Variants in FAM20B observed in about 807,000 individuals in gnomAD.
FAM20B encodes FAM20B glycosaminoglycan xylosylkinase, also known as glycosaminoglycan xylosylkinase.
FAM20B carries 23 observed loss-of-function variants against 43.8 expected under a neutral mutation model. The ratio of observed to expected loss-of-function variants is 0.53; its 90% CI spans 0.38 to 0.74. The LOEUF is 0.74. Ranked by LOEUF, FAM20B falls within the 30% of genes least tolerant of loss-of-function variation. The pLI is 0.00. For missense variants in FAM20B, 440 were observed against 510.5 expected (o/e 0.86, Z 1.33); for synonymous variants, 178 against 192.4 (o/e 0.93, Z 0.62).
chr1:179,034,384 T>TTCTCTCTC (rs138317999), intron 1 of FAM20B, among the ~76,000 whole-genome samples: 1 of 151,016 alleles, frequency 6.6e-6, no homozygotes, highest in Non-Finnish European at 1.5e-5. Context: ...CTCCACCTCT[T>TTCTCTCTC]TCTCTCTCTC....
chr1:179,076,422 A>G lies in FAM20B; in HGVS notation c.*4278A>G, dbSNP rs1222695267. The stretch of plus-strand genomic sequence containing the variant: ...CACTACCCTCTCTTTTGATCTGCCA[A>G]GGATTTCCTCTCAGAGCTGTTGCAC... On this transcript the variant is annotated 3_prime_UTR_variant, in exon 8 of 8. Coordinates refer to ENST00000263733, the MANE Select transcript of FAM20B (RefSeq NM_014864.4). 1.3e-5 allele frequency: 2 copies of G among 152,602 alleles called. No individual in the cohort carries two copies. Among genetic ancestry groups the G allele is most frequent in the African/African-American group, 4.8e-5 (2 of 41,450 alleles). 9.5% of individuals were successfully genotyped at this position (152,602 alleles called of 1,614,324 possible). A position where few individuals can be genotyped will look rare whatever the true frequency, so the allele number is the denominator to read the frequency against.
At chr1:179,042,762 T>A (rs79410391) in intron 1 of FAM20B, among the ~76,000 whole-genome samples, 5,571 of 152,260 alleles carry the variant, frequency 0.037, 146 homozygotes, top group Non-Finnish European at 0.053. Flanking sequence ...GTTGTTCTGA[T>A]GAGAGTCTAG....
chr1:179,063,238 C>T (rs944896895), intron 4 of FAM20B, among the ~76,000 whole-genome samples: 7 of 151,994 alleles, frequency 4.6e-5, no homozygotes, highest in South Asian at 2.1e-4. Flanking sequence ...GATCTTGCCA[C>T]TGCACTCTAG....
intron 3 of FAM20B, among the ~76,000 whole-genome samples, chr1:179,050,904 A>G (rs1381086081): frequency 1.3e-5 from 2 of 151,988 alleles, no homozygotes; most frequent in South Asian, 2.1e-4. Context: ...GGCAGATTGC[A>G]TGAGCTCAGG....
intron 1 of FAM20B, among the ~76,000 whole-genome samples, chr1:179,042,108 G>A (rs1291119753): frequency 6.6e-6 from 1 of 152,176 alleles, no homozygotes; most frequent in Non-Finnish European, 1.5e-5. Flanking sequence ...CTGTGGCCGT[G>A]GTGCCTTCTG....
At position 179,054,555 on chromosome 1, in the gene FAM20B, T is replaced by A; in HGVS notation, c.491T>A (p.Leu164Ter). 1 of 1,612,902 alleles carries A rather than the reference T, an allele frequency of 6.2e-7. No individual in the cohort carries two copies. Among genetic ancestry groups the A allele is most frequent in the Non-Finnish European group, 8.5e-7 (1 of 1,179,102 alleles). Residue 164 changes from leucine to a stop codon, truncating the protein, a stop_gained, in exon 4 of 8, where the codon TTG (leucine) becomes TAG (stop). Coordinates refer to ENST00000263733, the MANE Select transcript of FAM20B (RefSeq NM_014864.4). LOFTEE classifies it high-confidence loss of function. Reference protein sequence around the residue: ...DRILGFHRAPLVVGRFVNLRT... With the variant: ...DRILGFHRAP ...ATTCTGGGTTTCCACCGAGCCCCCT[T>A]GGTAGTTGGCAGATTTGTTAATCTT...
chr1:179,034,292 C>G (rs1287001122), intron 1 of FAM20B, among the ~76,000 whole-genome samples: 1 of 152,196 alleles, frequency 6.6e-6, no homozygotes, highest in African/African-American at 2.4e-5. Flanking sequence ...GGGCCCAGAA[C>G]TGGCACACAG....
intron 1 of FAM20B, among the ~76,000 whole-genome samples, chr1:179,036,946 G>A (rs1266195574): frequency 1.3e-5 from 2 of 152,190 alleles, no homozygotes; most frequent in Non-Finnish European, 2.9e-5. Flanking sequence ...GAGGAATTTT[G>A]AGGGACTACA....
In FAM20B at chr1:179,064,373, T is replaced by C. The variant is rs771280602; in HGVS notation, c.815T>C (p.Leu272Pro). 6.2e-7 allele frequency: 1 copy of C among 1,614,170 alleles called. No homozygotes were observed. Among genetic ancestry groups the C allele is most frequent in the East Asian group, 2.2e-5 (1 of 44,884 alleles). ...TCCCCTTATGACTCTGGCCCGCGCC[T>C]CTTGGACATCATTGACACAGCTGTC... ...KTSPYDSGPR[L>P]LDIIDTAVFD... Residue 272 changes from leucine (L) to proline (P), a missense_variant, in exon 6 of 8, where the codon CTC becomes CCC. Coordinates refer to ENST00000263733, the MANE Select transcript of FAM20B (RefSeq NM_014864.4).
rs142167220 is a variant in FAM20B at position 179,041,392 on chromosome 1, G to A, written c.-133-2323G>A. Reference sequence around the variant, plus strand: ...TTGAGCACTGAGTGAACGAGACTCCGTCTGCAATCCCGGCACGTCTGGAGG... The same window carrying A: ...TTGAGCACTGAGTGAACGAGACTCCATCTGCAATCCCGGCACGTCTGGAGG... On this transcript the variant is annotated intron_variant, in intron 1 of 7. Transcript: ENST00000263733. Among the ~76,000 whole-genome samples the A allele has an allele frequency of 1.9e-3, 286 of 152,204 alleles. 5 individuals are homozygous for A. In the East Asian group the frequency reaches 0.035, roughly 19 times the overall value.
intron 6 of FAM20B, among the ~76,000 whole-genome samples, chr1:179,066,527 C>G (rs10913688): frequency 0.014 from 2,130 of 152,114 alleles, 63 homozygotes; most frequent in African/African-American, 0.048. Context: ...CTGTGTTTAC[C>G]ATAGTTATGC....
intron 7 of FAM20B, 89 bp from the exon 8 acceptor site, chr1:179,071,823 AT>A: frequency 1.2e-6 from 1 of 866,522 alleles, no homozygotes; most frequent in East Asian, 2.4e-5. Flanking sequence ...TTACCTAATT[AT>A]TTTTTCACTT....
chr1:179,053,293 T>C (rs58939863), intron 3 of FAM20B, among the ~76,000 whole-genome samples: 22,709 of 151,994 alleles, frequency 0.15, 1,875 homozygotes, highest in East Asian at 0.3. Context: ...AAAAAATACT[T>C]CCCAATCTAG....
chr1:179,025,633 C>A (rs1187744435), upstream of FAM20B, among the ~76,000 whole-genome samples: 1 of 152,094 alleles, frequency 6.6e-6, no homozygotes, highest in East Asian at 1.9e-4. Flanking sequence ...GAAAAAAGAG[C>A]GAAGGAAGTG....
chr1:179,029,438 A>G (rs775957052), intron 1 of FAM20B, among the ~76,000 whole-genome samples: 3 of 152,226 alleles, frequency 2.0e-5, no homozygotes, highest in Non-Finnish European at 4.4e-5. Flanking sequence ...CAAAGATCTC[A>G]CTTCTGATTT....
chr1:179,033,666 A>G (rs1056165383), intron 1 of FAM20B, among the ~76,000 whole-genome samples: 1 of 152,132 alleles, frequency 6.6e-6, no homozygotes, highest in Non-Finnish European at 1.5e-5. Flanking sequence ...GGGTTAAGAC[A>G]ATGATTTGTT....
At chr1:179,067,237 C>T (rs951413369) in intron 7 of FAM20B, among the ~76,000 whole-genome samples, 1 of 152,030 alleles carries the variant, frequency 6.6e-6, no homozygotes, top group African/African-American at 2.4e-5. Context: ...CTCACTCACC[C>T]ATCACATACC....
At chr1:179,068,546 C>T (rs1651786513) in intron 7 of FAM20B, among the ~76,000 whole-genome samples, 1 of 152,062 alleles carries the variant, frequency 6.6e-6, no homozygotes, top group Admixed American at 6.5e-5. Flanking sequence ...AGTGATTCTC[C>T]TGCGTCAGCC....
intron 1 of FAM20B, among the ~76,000 whole-genome samples, chr1:179,029,537 G>A (rs1156728892): frequency 6.6e-6 from 1 of 152,208 alleles, no homozygotes; most frequent in Non-Finnish European, 1.5e-5. Flanking sequence ...TCATCCCAGT[G>A]TGAGATAAGA....
Sources: allele counts gnomAD v4.1 joint callset (sites outside exome capture counted in the v4.1 genomes callset), GRCh38; gene constraint gnomAD v4.1.1; transcripts MANE v1.5; gene names NCBI Gene and HGNC (gene_info 2026-07-23, HGNC 2026-07-21).